Variants in CLVS1 observed in about 807,000 individuals in gnomAD.
The protein encoded by CLVS1 is clavesin 1.
CLVS1 carries 10 observed loss-of-function variants against 33.1 expected under a neutral mutation model. The ratio of observed to expected loss-of-function variants is 0.30; its 90% confidence interval spans 0.19 to 0.51. CLVS1 has a LOEUF of 0.51. CLVS1 is among the 20% of genes least tolerant of loss of function. The probability of loss-of-function intolerance (pLI) is 0.97; values close to 1 mark genes in which losing one functional copy is unlikely to be tolerated. For missense variants in CLVS1, 343 were observed against 433.4 expected, an observed-to-expected ratio of 0.79 and a Z score of 1.85; for synonymous variants, 163 against 166.1, an observed-to-expected ratio of 0.98 and a Z score of 0.14.
intron 5 of CLVS1, among the ~76,000 whole-genome samples, chr8:61,495,243 C>T (rs527767581): frequency 6.6e-6 from 1 of 152,282 alleles, no homozygotes; most frequent in African/African-American, 2.4e-5. Context: ...AACTGCCTCT[C>T]CTCTGACTGG....
chr8:61,107,333 A>G (rs1805555553), intron 1 of CLVS1, among the ~76,000 whole-genome samples: 2 of 152,208 alleles, frequency 1.3e-5, no homozygotes, highest in Non-Finnish European at 2.9e-5. Context: ...TTACACTGGA[A>G]AATTATAAAC....
At chr8:61,351,888 C>T (rs773518110) in intron 2 of CLVS1, among the ~76,000 whole-genome samples, 4 of 151,394 alleles carry the variant, frequency 2.6e-5, no homozygotes, top group Non-Finnish European at 4.4e-5. Context: ...TAAGAAAAAA[C>T]TAAAAGAATT....
intron 2 of CLVS1, among the ~76,000 whole-genome samples, chr8:61,175,754 A>G (rs146276649): frequency 3.9e-4 from 59 of 152,322 alleles, no homozygotes; most frequent in African/African-American, 1.3e-3. Flanking sequence ...CCTAGACCCT[A>G]AGAGGGAACA....
intron 1 of CLVS1, among the ~76,000 whole-genome samples, chr8:61,083,510 C>G (rs1805061770): frequency 6.6e-6 from 1 of 152,100 alleles, no homozygotes; most frequent in Non-Finnish European, 1.5e-5. Context: ...AGACTGAGAC[C>G]TGGACCCTAA....
chr8:61,260,555 C>T (rs1055271321), intron 2 of CLVS1, among the ~76,000 whole-genome samples: 2 of 152,162 alleles, frequency 1.3e-5, no homozygotes, highest in Non-Finnish European at 2.9e-5. Flanking sequence ...TCCATCATTT[C>T]TTTCTCTAAC....
intron 2 of CLVS1, among the ~76,000 whole-genome samples, chr8:61,191,630 C>T (rs1307639243): frequency 2.6e-5 from 4 of 152,152 alleles, no homozygotes; most frequent in African/African-American, 7.2e-5. Flanking sequence ...AAAATCCCAT[C>T]ATCTCAGCCC....
At chr8:61,356,026 A>G (rs1052642157) in intron 2 of CLVS1, among the ~76,000 whole-genome samples, 1 of 152,184 alleles carries the variant, frequency 6.6e-6, no homozygotes, top group Non-Finnish European at 1.5e-5. Flanking sequence ...TTACAGTCCC[A>G]CCAACAGTGT....
chr8:61,035,901 A>T, the CLVS1 span, among the ~76,000 whole-genome samples: 2 of 152,196 alleles, frequency 1.3e-5, no homozygotes, highest in South Asian at 4.1e-4. Flanking sequence ...TATCTGAATA[A>T]ATTTCAAATC....
At chr8:61,321,219 T>C (rs1585798676) in intron 2 of CLVS1, among the ~76,000 whole-genome samples, 1 of 152,152 alleles carries the variant, frequency 6.6e-6, no homozygotes, top group South Asian at 2.1e-4. Flanking sequence ...CTTCAGTAGC[T>C]GAGGACCTGC....
chr8:61,492,090 T>G (rs1804108162), intron 5 of CLVS1, among the ~76,000 whole-genome samples: 1 of 152,156 alleles, frequency 6.6e-6, no homozygotes, highest in African/African-American at 2.4e-5. Context: ...ACTATAGATT[T>G]CTAAGTAAGG....
chr8:61,226,337 A>G (rs1391020501), intron 2 of CLVS1, among the ~76,000 whole-genome samples: 1 of 152,254 alleles, frequency 6.6e-6, no homozygotes, highest in East Asian at 1.9e-4. Flanking sequence ...AAGTCAGCCC[A>G]CAATTTATTG....
At chr8:61,358,441 G>A (rs1184208263) in intron 2 of CLVS1, among the ~76,000 whole-genome samples, 3 of 152,080 alleles carry the variant, frequency 2.0e-5, no homozygotes, top group Non-Finnish European at 4.4e-5. Flanking sequence ...AGGCTTAGTC[G>A]ATTTTATTCT....
At chr8:61,430,759 G>A (rs1402726362) in intron 3 of CLVS1, among the ~76,000 whole-genome samples, 1 of 152,108 alleles carries the variant, frequency 6.6e-6, no homozygotes, top group Non-Finnish European at 1.5e-5. Context: ...ACAAATATGG[G>A]CGCCATTGAA....
intron 2 of CLVS1, among the ~76,000 whole-genome samples, chr8:61,307,500 G>T (rs1481633400): frequency 2.7e-4 from 41 of 152,084 alleles, no homozygotes; most frequent in Non-Finnish European, 7.4e-5. Context: ...CAGACTCAGG[G>T]TTGTAAAGGT....
chr8:61,434,550 C>A (rs1346294077), intron 3 of CLVS1, among the ~76,000 whole-genome samples: 1 of 152,150 alleles, frequency 6.6e-6, no homozygotes, highest in African/African-American at 2.4e-5. Flanking sequence ...CAATCAAATA[C>A]ATTTAAGAAA....
chr8:61,072,979 T>C (rs181868955), intron 1 of CLVS1, among the ~76,000 whole-genome samples: 34 of 152,332 alleles, frequency 2.2e-4, no homozygotes, highest in Middle Eastern at 6.8e-3. Context: ...CATCATATTA[T>C]ATTACCAGTA....
At chr8:61,468,383 G>T (rs138262433) in intron 5 of CLVS1, among the ~76,000 whole-genome samples, 9 of 152,272 alleles carry the variant, frequency 5.9e-5, no homozygotes, top group African/African-American at 2.2e-4. Context: ...TTTGTTTGTT[G>T]TTTCTCTCAT....
intron 5 of CLVS1, among the ~76,000 whole-genome samples, chr8:61,471,153 T>C (rs1817721339): frequency 6.6e-6 from 1 of 152,206 alleles, no homozygotes; most frequent in Non-Finnish European, 1.5e-5. Flanking sequence ...TACTGGTTAT[T>C]TATAATACCT....
chr8:61,483,057 C>A (rs1362209512), intron 5 of CLVS1, among the ~76,000 whole-genome samples: 1 of 152,182 alleles, frequency 6.6e-6, no homozygotes, highest in Non-Finnish European at 1.5e-5. Flanking sequence ...CAAACACATT[C>A]AAAAGCTAGC....
Sources: allele counts gnomAD v4.1 joint callset (sites outside exome capture counted in the v4.1 genomes callset), GRCh38; gene constraint gnomAD v4.1.1; transcripts MANE v1.5; gene names NCBI Gene and HGNC (gene_info 2026-07-23, HGNC 2026-07-21).